NCOA7: variants seen among roughly 807,000 people sequenced by gnomAD.
The protein encoded by NCOA7 is 140 kDa estrogen receptor-associated protein.
In NCOA7, 45 loss-of-function variants were observed where a neutral mutation model predicts 104.3. That is an observed-to-expected ratio of 0.43 (90% CI 0.34 to 0.55). NCOA7 has a LOEUF of 0.55. Ranked by LOEUF, NCOA7 falls within the 20% of genes least tolerant of loss-of-function variation. The probability of loss-of-function intolerance (pLI) is 0.02; values close to 1 mark genes in which losing one functional copy is unlikely to be tolerated. For missense variants in NCOA7, 1,041 were observed against 1,119.7 expected, an observed-to-expected ratio of 0.93 and a Z score of 1.00; for synonymous variants, 398 against 402.3, an observed-to-expected ratio of 0.99 and a Z score of 0.13.
intron 2 of NCOA7, among the ~76,000 whole-genome samples, chr6:125,826,477 T>A (rs1269728655): frequency 1.3e-5 from 2 of 152,232 alleles, no homozygotes; most frequent in Middle Eastern, 3.4e-3. Context: ...CTTTCTGTGA[T>A]TTTGAATAAT....
At chr6:125,804,780 A>T (rs762253945) in intron 1 of NCOA7, among the ~76,000 whole-genome samples, 18 of 151,866 alleles carry the variant, frequency 1.2e-4, no homozygotes, top group Admixed American at 2.6e-4. Flanking sequence ...AAAGAAATAA[A>T]TTTTTTTTTA....
chr6:125,878,382 C>T lies in NCOA7; in HGVS notation c.459+12C>T, dbSNP rs531137196. 3.8e-6 allele frequency: 6 copies of T among 1,561,430 alleles called. No individual in the cohort carries two copies. On this transcript the variant is annotated intron_variant, in intron 5 of 15. Transcript: ENST00000392477. Reference sequence around the variant, plus strand: ...TTGTTCCAGGCCAGGTAATTATACTCTTACTGGATATAACTCTAGAAATTC... The same window carrying T: ...TTGTTCCAGGCCAGGTAATTATACTTTTACTGGATATAACTCTAGAAATTC...
chr6:125,821,581 C>A (rs572873355), intron 2 of NCOA7, among the ~76,000 whole-genome samples: 17 of 152,280 alleles, frequency 1.1e-4, no homozygotes, highest in African/African-American at 3.9e-4. Flanking sequence ...TTCTAAAGGT[C>A]TAACTTATAA....
intron 10 of NCOA7, among the ~76,000 whole-genome samples, chr6:125,907,474 G>A (rs1192193255): frequency 6.6e-6 from 1 of 152,214 alleles, no homozygotes; most frequent in Non-Finnish European, 1.5e-5. Flanking sequence ...AGCGGAAGGT[G>A]CAGGAGCGGG....
At chr6:125,831,373 G>T (rs189671384) in intron 2 of NCOA7, among the ~76,000 whole-genome samples, 1 of 152,108 alleles carries the variant, frequency 6.6e-6, no homozygotes, top group African/African-American at 2.4e-5. Context: ...TTATCTTCAG[G>T]TAATCACAAA....
chr6:125,917,392 C>T (rs1483323974), intron 11 of NCOA7, among the ~76,000 whole-genome samples: 2 of 152,136 alleles, frequency 1.3e-5, no homozygotes, highest in Non-Finnish European at 2.9e-5. Flanking sequence ...AATGTGAACC[C>T]AGAATCCATC....
chr6:125,812,103 A>T (rs921313053), intron 1 of NCOA7, among the ~76,000 whole-genome samples: 1 of 152,220 alleles, frequency 6.6e-6, no homozygotes, highest in Non-Finnish European at 1.5e-5. Flanking sequence ...AAAAGATAAC[A>T]TAGGGATAAT....
intron 10 of NCOA7, among the ~76,000 whole-genome samples, chr6:125,914,350 T>C (rs1217607802): frequency 6.6e-6 from 1 of 152,138 alleles, no homozygotes; most frequent in African/African-American, 2.4e-5. Context: ...CTGATGGCAA[T>C]GAAAAGAAAG....
chr6:125,929,928 C>A lies in NCOA7; in HGVS notation c.*1157C>A, dbSNP rs908957674. 6.6e-6 allele frequency: 1 copy of A among 151,776 alleles called. No homozygotes were observed. Among genetic ancestry groups the A allele is most frequent in the Admixed American group, 6.6e-5 (1 of 15,252 alleles). The allele number at this position is 151,776 out of a possible 1,614,324, so 9.4% of individuals were successfully genotyped here. A position where few individuals can be genotyped will look rare whatever the true frequency, so the allele number is the denominator to read the frequency against. ...TCAAATGAAAAACGTCAAATTGGAC[C>A]AATTGTCTTGGTTTCTTGATTCATT... On this transcript the variant is annotated 3_prime_UTR_variant, in exon 16 of 16. Coordinates refer to ENST00000392477, the MANE Select transcript of NCOA7 (RefSeq NM_181782.5).
chr6:125,794,996 T>C (rs558753198), intron 1 of NCOA7, among the ~76,000 whole-genome samples: 1 of 152,378 alleles, frequency 6.6e-6, no homozygotes, highest in South Asian at 2.1e-4. Context: ...GAGTCTTCTC[T>C]GAGCCTCTTT....
intron 1 of NCOA7, among the ~76,000 whole-genome samples, chr6:125,804,516 G>A (rs1776235240): frequency 6.6e-6 from 1 of 152,186 alleles, no homozygotes; most frequent in African/African-American, 2.4e-5. Flanking sequence ...GATGAGATCA[G>A]CAGATAGATT....
chr6:125,819,763 A>G (rs1038605376), intron 2 of NCOA7, among the ~76,000 whole-genome samples: 12 of 152,194 alleles, frequency 7.9e-5, no homozygotes, highest in African/African-American at 2.9e-4. Context: ...GTTAGAATGC[A>G]AAATTTTCTT....
chr6:125,833,405 G>A (rs1182759334), intron 2 of NCOA7, among the ~76,000 whole-genome samples: 3 of 152,030 alleles, frequency 2.0e-5, no homozygotes, highest in Non-Finnish European at 4.4e-5. Flanking sequence ...TGGCCTCATG[G>A]TGAAACCCTG....
At chr6:125,927,602 A>G (rs532250888) in intron 13 of NCOA7, 61 bp from the exon 14 acceptor site, 846 of 1,271,096 alleles carry the variant, frequency 6.7e-4, no homozygotes, top group Non-Finnish European at 9.1e-4. Context: ...AATATTCCAG[A>G]AAGCCTTGCT....
At chr6:125,806,908 G>A (rs767137016) in intron 1 of NCOA7, among the ~76,000 whole-genome samples, 1 of 152,102 alleles carries the variant, frequency 6.6e-6, no homozygotes, top group Non-Finnish European at 1.5e-5. Flanking sequence ...ATTATGAAGG[G>A]CGTATAATAA....
At chr6:125,792,320 A>G (rs892702950) in intron 1 of NCOA7, among the ~76,000 whole-genome samples, 2 of 152,198 alleles carry the variant, frequency 1.3e-5, no homozygotes, top group African/African-American at 4.8e-5. Context: ...TCTTTCTGTA[A>G]TATGTCATCA....
chr6:125,918,485 A>G (rs937767101), intron 11 of NCOA7, among the ~76,000 whole-genome samples: 1 of 151,894 alleles, frequency 6.6e-6, no homozygotes, highest in African/African-American at 2.4e-5. Context: ...AATACAATAC[A>G]CTCTGATCCC....
At chr6:125,886,904 G>A (rs1049151252) in intron 8 of NCOA7, among the ~76,000 whole-genome samples, 1 of 152,238 alleles carries the variant, frequency 6.6e-6, no homozygotes, top group African/African-American at 2.4e-5. Flanking sequence ...GTATGTGCGC[G>A]TGCACACACG....
At chr6:125,813,164 C>T (rs1407197755) in intron 1 of NCOA7, among the ~76,000 whole-genome samples, 1 of 152,186 alleles carries the variant, frequency 6.6e-6, no homozygotes. Flanking sequence ...ATCTCATGGA[C>T]CAGCTCTGAT....
Sources: allele counts gnomAD v4.1 joint callset (sites outside exome capture counted in the v4.1 genomes callset), GRCh38; gene constraint gnomAD v4.1.1; transcripts MANE v1.5; gene names NCBI Gene and HGNC (gene_info 2026-07-23, HGNC 2026-07-21).